TM2D1: variants seen among roughly 807,000 people sequenced by gnomAD.
The protein encoded by TM2D1 is TM2 domain-containing protein 1.
Under a neutral mutation model 28.4 loss-of-function variants are expected in TM2D1, and 15 were observed. The observed-to-expected ratio is 0.53, with a 90% CI of 0.35 to 0.81. The LOEUF (loss-of-function observed/expected upper bound fraction) is 0.81. TM2D1 is among the 40% of genes least tolerant of loss of function. The pLI, the probability that TM2D1 is intolerant of heterozygous loss-of-function variation, is 0.01. For synonymous variants in TM2D1, 93 were observed against 96.2 expected (o/e 0.97, Z 0.20); for missense variants, 236 against 254.9 (o/e 0.93, Z 0.50).
At chr1:61,709,255 TCTC>T in intron 3 of TM2D1, 71 bp downstream of exon 3, 1 of 883,450 alleles carries the variant, frequency 1.1e-6, no homozygotes, top group South Asian at 1.5e-5. Flanking sequence ...CCATAAATTA[TCTC>T]CTCTCTTCAT....
intron 3 of TM2D1, among the ~76,000 whole-genome samples, chr1:61,704,136 C>T (rs980701735): frequency 2.0e-5 from 3 of 151,852 alleles, no homozygotes; most frequent in East Asian, 3.9e-4. Context: ...GTGATCTGCC[C>T]GCCTTGGCCT....
At chr1:61,710,009 G>A (rs1168046116) in intron 2 of TM2D1, among the ~76,000 whole-genome samples, 1 of 152,110 alleles carries the variant, frequency 6.6e-6, no homozygotes, top group Non-Finnish European at 1.5e-5. Flanking sequence ...ATAAGAAGAA[G>A]AAGTAACACT....
At chr1:61,716,166 A>C (rs1263237301) in intron 2 of TM2D1, among the ~76,000 whole-genome samples, 2 of 151,250 alleles carry the variant, frequency 1.3e-5, no homozygotes, top group African/African-American at 4.9e-5. Flanking sequence ...AAAGAAAAAA[A>C]AAATTAGCCA....
chr1:61,714,808 G>A (rs889039593), intron 2 of TM2D1, among the ~76,000 whole-genome samples: 1 of 151,974 alleles, frequency 6.6e-6, no homozygotes, highest in Non-Finnish European at 1.5e-5. Flanking sequence ...CACCCATTTC[G>A]GCCTCCCAAA....
intron 5 of TM2D1, among the ~76,000 whole-genome samples, chr1:61,686,122 C>A (rs1318835980): frequency 2.0e-5 from 3 of 152,172 alleles, no homozygotes; most frequent in Admixed American, 1.3e-4. Flanking sequence ...TTATTCCTTA[C>A]TGGATCTCAA....
At chr1:61,716,861 T>G (rs1644526196) in intron 2 of TM2D1, among the ~76,000 whole-genome samples, 1 of 152,088 alleles carries the variant, frequency 6.6e-6, no homozygotes, top group South Asian at 2.1e-4. Flanking sequence ...TCTTTTTCTT[T>G]CCTTTCACAA....
chr1:61,695,442 A>G (rs1380848106), intron 4 of TM2D1, among the ~76,000 whole-genome samples: 2 of 151,814 alleles, frequency 1.3e-5, no homozygotes, highest in African/African-American at 4.8e-5. Context: ...CTACAATAAT[A>G]TAACCCAAAA....
chr1:61,701,572 T>A (rs1325878329), intron 3 of TM2D1, among the ~76,000 whole-genome samples: 2 of 151,734 alleles, frequency 1.3e-5, no homozygotes, highest in Admixed American at 6.6e-5. Flanking sequence ...TGTGTGTGTG[T>A]GTGTGTGTGT....
chr1:61,715,475 C>T (rs1287149967), intron 2 of TM2D1, among the ~76,000 whole-genome samples: 1 of 151,214 alleles, frequency 6.6e-6, no homozygotes, highest in Non-Finnish European at 1.5e-5. Flanking sequence ...TGGTAAAACC[C>T]CGTCTCTACT....
chr1:61,700,628 TTAAC>T (rs1395416065), intron 4 of TM2D1, among the ~76,000 whole-genome samples: 1 of 152,162 alleles, frequency 6.6e-6, no homozygotes, highest in Non-Finnish European at 1.5e-5. Flanking sequence ...TCGTAAAACA[TTAAC>T]TAAACATCCA....
At chr1:61,716,196 G>A (rs920604969) in intron 2 of TM2D1, among the ~76,000 whole-genome samples, 1 of 151,162 alleles carries the variant, frequency 6.6e-6, no homozygotes, top group East Asian at 2.0e-4. Flanking sequence ...GCATGTGCCT[G>A]TAGTCCTAGC....
intron 2 of TM2D1, among the ~76,000 whole-genome samples, chr1:61,719,639 T>C (rs952502769): frequency 2.0e-5 from 3 of 152,080 alleles, no homozygotes; most frequent in African/African-American, 7.2e-5. Flanking sequence ...ATTACAGGCA[T>C]GCGTCAGCAC....
chr1:61,709,202 T>G, intron 3 of TM2D1, 127 bp downstream of exon 3: 1 of 648,618 alleles, frequency 1.5e-6, no homozygotes, highest in Non-Finnish European at 2.6e-6. Context: ...AAAGGTTTTC[T>G]GACACAAGCA....
intron 5 of TM2D1, among the ~76,000 whole-genome samples, chr1:61,692,489 A>T (rs1397354834): frequency 1.3e-5 from 2 of 151,998 alleles, no homozygotes; most frequent in Non-Finnish European, 1.5e-5. Flanking sequence ...AGAAAGAAAG[A>T]AAGAAAAAGA....
chr1:61,716,280 T>C (rs1178803919), intron 2 of TM2D1, among the ~76,000 whole-genome samples: 1 of 150,466 alleles, frequency 6.6e-6, no homozygotes, highest in Non-Finnish European at 1.5e-5. Flanking sequence ...GATCCTGCCA[T>C]TGCACTACAG....
intron 1 of TM2D1, chr1:61,724,350 C>A (rs142192673): frequency 0.01 from 1,580 of 152,622 alleles, 10 homozygotes; most frequent in Middle Eastern, 0.03. Flanking sequence ...GGAGAATTGA[C>A]TGAACCCGGG....
chr1:61,724,605 G>GT (rs1183658325), intron 1 of TM2D1, among the ~76,000 whole-genome samples: 1 of 152,276 alleles, frequency 6.6e-6, no homozygotes, highest in East Asian at 1.9e-4. Context: ...CATTTCCAGG[G>GT]TAAGAGACTA....
chr1:61,700,908 A>G (rs1261149029), intron 4 of TM2D1, 26 bp downstream of exon 4: 6 of 1,481,084 alleles, frequency 4.1e-6, no homozygotes, highest in Non-Finnish European at 5.5e-6. Flanking sequence ...TTTCATAAGG[A>G]TTTTTTTTTA....
chr1:61,701,888 G>A (rs1276545945), intron 3 of TM2D1, among the ~76,000 whole-genome samples: 1 of 152,082 alleles, frequency 6.6e-6, no homozygotes, highest in African/African-American at 2.4e-5. Flanking sequence ...GAGGGAAAAG[G>A]AGAAGTCAAG....
Sources: allele counts gnomAD v4.1 joint callset (sites outside exome capture counted in the v4.1 genomes callset), GRCh38; gene constraint gnomAD v4.1.1; transcripts MANE v1.5; gene names NCBI Gene and HGNC (gene_info 2026-07-23, HGNC 2026-07-21).